C16orf96: variants seen among roughly 807,000 people sequenced by gnomAD.
The protein encoded by C16orf96 is uncharacterized protein C16orf96.
In C16orf96, 108 loss-of-function variants were observed where a neutral mutation model predicts 103.6. That is an observed-to-expected ratio of 1.04 (90% confidence interval 0.89 to 1.22). C16orf96 has a LOEUF of 1.22. Ranked by LOEUF, C16orf96 falls within the 50% of genes most tolerant of loss-of-function variation. The pLI is 0.00. For synonymous variants in C16orf96, 566 were observed against 593.5 expected, an observed-to-expected ratio of 0.95 and a Z score of 0.67; for missense variants, 1,586 against 1,464.2, an observed-to-expected ratio of 1.08 and a Z score of -1.36.
the C16orf96 span, among the ~76,000 whole-genome samples, chr16:4,539,176 A>G: frequency 2.0e-5 from 3 of 152,246 alleles, no homozygotes; most frequent in Non-Finnish European, 4.4e-5. Context: ...TGACAGTGAA[A>G]GAGAGCTGAC....
At position 4,556,584 on chromosome 16, in the gene C16orf96, G is replaced by A. The variant is rs1161145822; in HGVS notation, c.95G>A (p.Gly32Asp). The change falls in exon 1 of 16, where the codon GGC becomes GAC. Residue 32 changes from glycine to aspartate, a missense_variant. Gly to Asp is a moderately conservative substitution (Grantham distance 94). Coordinates refer to ENST00000444310, the MANE Select transcript of C16orf96 (RefSeq NM_001145011.2). Reference sequence around the variant, plus strand: ...AAGGCCCTGCACCTCCTGCTGCACGGCATCTTGGAGCACATCCACATGGCC... The same window carrying A: ...AAGGCCCTGCACCTCCTGCTGCACGACATCTTGGAGCACATCCACATGGCC... ...NFKALHLLLH[G>D]ILEHIHMAEL... 6.4e-7 allele frequency: 1 copy of A among 1,551,682 alleles called. No homozygotes were observed.
At position 4,600,274 on chromosome 16, in the gene C16orf96, C is replaced by G; in HGVS notation, c.3383C>G (p.Ser1128Cys). 3 of 1,551,312 alleles carry G rather than the reference C, an allele frequency of 1.9e-6. No individual in the cohort carries two copies. Among genetic ancestry groups the G allele is most frequent in the Non-Finnish European group, 2.6e-6 (3 of 1,146,918 alleles). ...CTCTCAAGAGCTCCACACATTGAGT[C>G]CCGAGTCGGCAGGAAGCCCCCCGAG... ...TRLSRAPHIE[S>C]RVGRKPPEEP... Residue 1128 changes from serine (S) to cysteine (C), a missense_variant, in exon 16 of 16, where the codon TCC (serine) becomes TGC (cysteine). Ser to Cys is a moderately radical substitution (Grantham distance 112). Transcript: ENST00000444310.
intron 5 of C16orf96, among the ~76,000 whole-genome samples, chr16:4,576,863 T>A (rs1023965919): frequency 6.6e-6 from 1 of 152,198 alleles, no homozygotes; most frequent in Admixed American, 6.5e-5. Flanking sequence ...GGTCTAAAGT[T>A]GGCACGAGGA....
chr16:4,586,150 C>T (rs1028685222), intron 7 of C16orf96, among the ~76,000 whole-genome samples: 5 of 152,106 alleles, frequency 3.3e-5, no homozygotes, highest in Admixed American at 6.6e-5. Context: ...ACCCCAACTA[C>T]TCGGGAGGCT....
rs1443066841 is a variant in C16orf96, at chr16:4,593,193, C to A, written c.2775-31C>A. ...CTCTGCTGGCCTAGCACGCCTCCCA[C>A]AGCCCCTGCTGTGCCCTTGTCCTCC... On this transcript the variant is annotated intron_variant, in intron 11 of 15. Coordinates refer to ENST00000444310, the MANE Select transcript of C16orf96 (RefSeq NM_001145011.2). This position sits in a 1 kb window ranked among gnomAD's most constrained non-coding sequence, Gnocchi z 4.2. The A allele has an allele frequency of 6.5e-7, 1 of 1,546,704 alleles. No individual in the cohort carries two copies. The highest frequency in any genetic ancestry group is 8.7e-7 in the Non-Finnish European group (1 of 1,143,134).
intron 9 of C16orf96, among the ~76,000 whole-genome samples, chr16:4,590,795 G>A (rs1897040062): frequency 6.6e-6 from 1 of 150,510 alleles, no homozygotes; most frequent in South Asian, 2.1e-4. Flanking sequence ...GAGGTGGGCG[G>A]ATCACCTGAG....
intron 5 of C16orf96, among the ~76,000 whole-genome samples, chr16:4,578,699 A>T (rs2059543991): frequency 6.6e-6 from 1 of 152,166 alleles, no homozygotes; most frequent in African/African-American, 2.4e-5. Context: ...CGGAAGTTGT[A>T]GTGAGCCGAG....
chr16:4,568,219 T>G (rs1257990399), intron 1 of C16orf96, among the ~76,000 whole-genome samples: 1 of 152,164 alleles, frequency 6.6e-6, no homozygotes, highest in East Asian at 1.9e-4. Flanking sequence ...TGTTGCTTTC[T>G]AATTTAATTC....
chr16:4,551,661 G>A (rs1299434581), upstream of C16orf96, among the ~76,000 whole-genome samples: 2 of 110 alleles, frequency 0.018, no homozygotes. Context: ...CACCATGTTA[G>A]CCAGGATGTC....
chr16:4,598,208 A>C (rs1897213843), intron 14 of C16orf96, among the ~76,000 whole-genome samples: 1 of 152,040 alleles, frequency 6.6e-6, no homozygotes. Context: ...AAAAATTAGC[A>C]GGGCATAGTG....
chr16:4,578,894 T>A, intron 5 of C16orf96, 46 bp from the exon 6 acceptor site: 1 of 1,455,740 alleles, frequency 6.9e-7, no homozygotes, highest in Non-Finnish European at 9.4e-7. Context: ...CAGAAACATC[T>A]TCCTCCATCC....
intron 9 of C16orf96, among the ~76,000 whole-genome samples, chr16:4,590,170 C>T (rs574442268): frequency 6.6e-6 from 1 of 152,062 alleles, no homozygotes; most frequent in South Asian, 2.1e-4. Flanking sequence ...CACCTATAAT[C>T]CCAGCACTTT....
chr16:4,588,822 A>G (rs1175222391), intron 9 of C16orf96, among the ~76,000 whole-genome samples: 1 of 145,098 alleles, frequency 6.9e-6, no homozygotes, highest in Non-Finnish European at 1.5e-5. Flanking sequence ...CAGAGAGGTT[A>G]TTATACTTCC....
Position 4,600,257 on chromosome 16 carries a change from A to C in C16orf96, c.3366A>C (p.Arg1122Ser). 4 of 1,551,344 alleles carry C rather than the reference A, an allele frequency of 2.6e-6. No individual in the cohort carries two copies. The highest frequency in any genetic ancestry group is 3.5e-6 in the Non-Finnish European group (4 of 1,146,904). ...QQAPGSTRLS[R>S]APHIESRVGR... ...CCCCAGGGTCCACCAGGCTCTCAAG[A>C]GCTCCACACATTGAGTCCCGAGTCG... Residue 1122 changes from arginine (R) to serine (S), a missense_variant, in exon 16 of 16, where the codon AGA (arginine) becomes AGC (serine). Transcript: ENST00000444310.
chr16:4,588,310 C>T lies in C16orf96; in HGVS notation c.2571C>T (p.Leu857=). Residue 857 remains leucine (L), a synonymous_variant, in exon 9 of 16, where the codon CTC becomes CTT. Transcript: ENST00000444310. The part of the protein sequence containing the change: ...EDSWKKAMEE[L]SKDVNTKLVH... ...GCTGGAAGAAGGCTATGGAGGAGCT[C>T]AGCAAGGACGTGAACACCAAGGTGA... is the stretch of plus-strand genomic sequence containing the variant. 6.4e-7 allele frequency: 1 copy of T among 1,551,446 alleles called. No individual in the cohort carries two copies. Among genetic ancestry groups the T allele is most frequent in the Non-Finnish European group, 8.7e-7 (1 of 1,146,794 alleles).
chr16:4,563,984 G>C (rs981277673), intron 1 of C16orf96, among the ~76,000 whole-genome samples: 26 of 150,510 alleles, frequency 1.7e-4, no homozygotes, highest in African/African-American at 6.1e-4. Context: ...GATCACCTGA[G>C]CTCAGGAGTT....
intron 7 of C16orf96, among the ~76,000 whole-genome samples, 185 bp downstream of exon 7, chr16:4,580,310 A>ACG (rs1555506247): frequency 1.1e-4 from 11 of 104,506 alleles, no homozygotes; most frequent in Admixed American, 2.3e-4. Context: ...GAATCCCACC[A>ACG]CCCCCCCCCA....
intron 1 of C16orf96, among the ~76,000 whole-genome samples, chr16:4,566,925 A>G (rs1281798763): frequency 1.3e-5 from 2 of 151,990 alleles, no homozygotes; most frequent in Non-Finnish European, 2.9e-5. Flanking sequence ...AAGTTTGTCA[A>G]TTTTGTTGAC....
At chr16:4,581,345 T>A (rs2059586611) in intron 7 of C16orf96, among the ~76,000 whole-genome samples, 2 of 129,814 alleles carry the variant, frequency 1.5e-5, no homozygotes, top group Non-Finnish European at 3.4e-5. Flanking sequence ...CAAAAAAAAA[T>A]AAAAAGGGCC....
Sources: allele counts gnomAD v4.1 joint callset (sites outside exome capture counted in the v4.1 genomes callset), GRCh38; gene constraint gnomAD v4.1.1; non-coding constraint Gnocchi (gnomAD v3.1); transcripts MANE v1.5; gene names NCBI Gene and HGNC (gene_info 2026-07-23, HGNC 2026-07-21).